Variants in CDH23 observed in about 807,000 individuals in gnomAD.
The protein encoded by CDH23 is cadherin-23.
A neutral mutation model predicts 317.1 loss-of-function variants in CDH23; 189 were observed. The ratio of observed to expected loss-of-function variants is 0.60; its 90% confidence interval spans 0.53 to 0.67. The LOEUF (loss-of-function observed/expected upper bound fraction) is 0.67, where lower values mean the gene tolerates loss of function less well. Ranked by LOEUF, CDH23 falls within the 30% of genes least tolerant of loss-of-function variation. CDH23 has a pLI of 0.00. For missense variants in CDH23, 4,401 were observed against 4,592.4 expected (o/e 0.96, Z 1.20); for synonymous variants, 1,839 against 1,876.8 (o/e 0.98, Z 0.52).
chr10:71,474,376 A>T (rs1053278780), intron 3 of CDH23, among the ~76,000 whole-genome samples: 2 of 152,160 alleles, frequency 1.3e-5, no homozygotes, highest in Non-Finnish European at 2.9e-5. Context: ...GTCAGTTCTA[A>T]TGCCTCTGTC....
At chr10:71,432,651 C>T (rs1332284810) in intron 1 of CDH23, among the ~76,000 whole-genome samples, 4 of 152,116 alleles carry the variant, frequency 2.6e-5, no homozygotes, top group Non-Finnish European at 4.4e-5. Context: ...GCCTTGTCTC[C>T]GAGCCTGGGT....
At chr10:71,524,524 G>A (rs895277939) in intron 6 of CDH23, among the ~76,000 whole-genome samples, 6 of 152,174 alleles carry the variant, frequency 3.9e-5, no homozygotes, top group African/African-American at 7.2e-5. Flanking sequence ...GGAGGAAATC[G>A]CGTCATCTAA....
chr10:71,536,817 G>A (rs1056975268), intron 6 of CDH23, among the ~76,000 whole-genome samples: 1 of 152,076 alleles, frequency 6.6e-6, no homozygotes, highest in Non-Finnish European at 1.5e-5. Context: ...TGGTGGAAGG[G>A]ACCCATCAGG....
At chr10:71,501,500 AG>A (rs374930488) in intron 3 of CDH23, among the ~76,000 whole-genome samples, 45 of 152,294 alleles carry the variant, frequency 3.0e-4, no homozygotes, top group African/African-American at 1.1e-3. Flanking sequence ...CCTGCCTCTC[AG>A]GAGAGAACCG....
Position 71,614,014 on chromosome 10 carries a change from A to T in CDH23, c.833-1490A>T, listed in dbSNP as rs1178730413. 2.0e-5 allele frequency among the ~76,000 whole-genome samples: 3 copies of T among 152,190 alleles called. No homozygotes were observed. In the East Asian group the frequency reaches 5.8e-4, roughly 29 times the overall value. On this transcript the variant is annotated intron_variant, in intron 9 of 69. Coordinates refer to ENST00000224721, the MANE Select transcript of CDH23 (RefSeq NM_022124.6). The stretch of plus-strand genomic sequence containing the variant: ...ACCCTGTGGGGCAGATGCCATTATT[A>T]TCTGTATTTTACAAGTGAGGAACCA...
In CDH23 at chr10:71,751,253, C is replaced by A; in HGVS notation, c.4845+9332C>A. ...AACAGCCCACTGTCCCCCAGCTGGG[C>A]TAGATGACCTCAAAGTTTGGAGAGT... On this transcript the variant is annotated intron_variant, in intron 38 of 69. Coordinates refer to ENST00000224721, the MANE Select transcript of CDH23 (RefSeq NM_022124.6). The surrounding 1 kb of genome is among the most constrained non-coding windows in gnomAD (Gnocchi z 4.9). 1 of 1,608,940 alleles carries A rather than the reference C, an allele frequency of 6.2e-7. No homozygotes were observed. Among genetic ancestry groups the A allele is most frequent in the Non-Finnish European group, 8.5e-7 (1 of 1,177,262 alleles).
At chr10:71,547,461 G>A (rs1002795192) in intron 6 of CDH23, among the ~76,000 whole-genome samples, 36 of 152,250 alleles carry the variant, frequency 2.4e-4, no homozygotes, top group Admixed American at 2.2e-3. Context: ...CAGCGCAGGT[G>A]TGGAAGGGCT....
intron 9 of CDH23, among the ~76,000 whole-genome samples, chr10:71,590,143 C>G (rs998820223): frequency 2.6e-5 from 4 of 152,232 alleles, no homozygotes; most frequent in Non-Finnish European, 4.4e-5. Context: ...GCTCCTCTGC[C>G]ACCTCTCTCT....
In CDH23 at chr10:71,439,808, T is replaced by C; in HGVS notation, c.-5-19T>C. The C allele has an allele frequency of 6.4e-7, 1 of 1,551,040 alleles. No individual in the cohort carries two copies. Among genetic ancestry groups the C allele is most frequent in the Non-Finnish European group, 8.7e-7 (1 of 1,145,398 alleles). ...ACCCAGGAAGCTTCTCACCCTCTTC[T>C]CTTTCTTTGTGTCCCCAGGAGCCAT... is the stretch of plus-strand genomic sequence containing the variant. On this transcript the variant is annotated intron_variant, in intron 1 of 69. Transcript: ENST00000224721.
chr10:71,577,665 G>A (rs1293340651), intron 8 of CDH23, among the ~76,000 whole-genome samples: 3 of 152,190 alleles, frequency 2.0e-5, no homozygotes, highest in Admixed American at 1.3e-4. Flanking sequence ...TTGAATAAGG[G>A]ATATGGGAAG....
chr10:71,795,412 G>A (rs546883699), intron 48 of CDH23: 1 of 152,258 alleles, frequency 6.6e-6, no homozygotes, highest in East Asian at 1.9e-4. Flanking sequence ...GGTTGGTCAG[G>A]ACCATGGAGA....
At chr10:71,679,583 C>A in intron 17 of CDH23, 91 bp downstream of exon 17, 1 of 1,006,158 alleles carries the variant, frequency 9.9e-7, no homozygotes, top group Non-Finnish European at 1.5e-6. Context: ...GAGGCGGGCA[C>A]TCCTTGTCTC....
rs201283686 is a variant in CDH23, at chr10:71,466,251, CAT to C, written c.145+19857_145+19858del. 5.3e-3 allele frequency among the ~76,000 whole-genome samples: 805 copies of C among 152,204 alleles called. 7 individuals are homozygous for C. Among genetic ancestry groups the C allele is most frequent in the African/African-American group, 0.018 (756 of 41,522 alleles). On this transcript the variant is annotated intron_variant, in intron 3 of 69. Coordinates refer to ENST00000224721, the MANE Select transcript of CDH23 (RefSeq NM_022124.6). ...GTCCCTGTTTGCATGTGTATACACA[CAT>C]GTTAGTGTGCCTCTGCCCACATATG...
chr10:71,465,635 G>A (rs755474398), intron 3 of CDH23, among the ~76,000 whole-genome samples: 6 of 152,282 alleles, frequency 3.9e-5, no homozygotes, highest in Non-Finnish European at 5.9e-5. Context: ...AATTTTTACC[G>A]CTGTTTACCT....
chr10:71,734,652 A>G lies in CDH23; in HGVS notation c.4207-4A>G, dbSNP rs2132832438. On this transcript the variant is annotated splice_region_variant and splice_polypyrimidine_tract_variant and intron_variant, in intron 33 of 69. Transcript: ENST00000224721. ...TCCCCTCCTGCTGCTGCCTCTGCCT[A>G]CAGAAGGTGAGTAGCCTGTGGCTGG... 6.8e-7 allele frequency: 1 copy of G among 1,470,250 alleles called. No individual in the cohort carries two copies. The allele number at this position is 1,470,250 out of a possible 1,614,324, so 91.1% of individuals were successfully genotyped here.
chr10:71,641,580 C>T (rs144137773), intron 11 of CDH23, among the ~76,000 whole-genome samples: 66 of 152,310 alleles, frequency 4.3e-4, no homozygotes, highest in Admixed American at 9.1e-4. Flanking sequence ...GGATCAGCGT[C>T]GCCTGGAACT....
At chr10:71,419,447 A>G (rs1296905740) in intron 1 of CDH23, among the ~76,000 whole-genome samples, 1 of 151,950 alleles carries the variant, frequency 6.6e-6, no homozygotes, top group East Asian at 1.9e-4. Flanking sequence ...CAGGGACATT[A>G]CCCCATGGAA....
In CDH23 at chr10:71,615,539, A is replaced by C. The variant is rs1471671828; in HGVS notation, c.868A>C (p.Ser290Arg). The change falls in exon 10 of 70, where the codon AGC (serine) becomes CGC (arginine). Residue 290 changes from serine (S) to arginine (R), a missense_variant. Around this residue, in one of 3 missense-constraint regions of CDH23, gnomAD observed 3,068 missense variants for 3,203.3 expected, o/e 0.96. Transcript: ENST00000224721. The part of the protein sequence containing the change: ...TNSIFALDYI[S>R]GVLTLNGLLD... ...CAGCATCTTTGCCCTGGACTACATC[A>C]GCGGAGTGCTGACCTTGAATGGCCT... 1.3e-5 allele frequency: 21 copies of C among 1,613,136 alleles called. No homozygotes were observed. The highest frequency in any genetic ancestry group is 1.8e-5 in the Non-Finnish European group (21 of 1,179,792).
intron 22 of CDH23, among the ~76,000 whole-genome samples, chr10:71,698,183 A>G (rs1865462171): frequency 6.6e-6 from 1 of 152,244 alleles, no homozygotes; most frequent in African/African-American, 2.4e-5. Flanking sequence ...CCAGGAAATC[A>G]GAAATCAAGA....
Sources: allele counts gnomAD v4.1 joint callset (sites outside exome capture counted in the v4.1 genomes callset), GRCh38; gene constraint gnomAD v4.1.1; regional missense constraint gnomAD v4.1.1; non-coding constraint Gnocchi (gnomAD v3.1); transcripts MANE v1.5; gene names NCBI Gene and HGNC (gene_info 2026-07-23, HGNC 2026-07-21).